Variants in SFTPD observed in about 807,000 individuals in gnomAD.
The protein encoded by SFTPD is surfactant protein D.
Under a neutral mutation model 34.6 loss-of-function variants are expected in SFTPD, and 18 were observed. The observed-to-expected ratio is 0.52, with a 90% CI of 0.36 to 0.77. SFTPD has a LOEUF of 0.77. Among genes scored for constraint, SFTPD ranks in the 30% least tolerant of loss-of-function variants. SFTPD has a pLI of 0.00. For synonymous variants in SFTPD, 155 were observed against 180.9 expected, an observed-to-expected ratio of 0.86 and a Z score of 1.15; for missense variants, 433 against 468.9, an observed-to-expected ratio of 0.92 and a Z score of 0.71.
intron 1 of SFTPD, among the ~76,000 whole-genome samples, chr10:79,980,214 G>A (rs1442264577): frequency 6.6e-6 from 1 of 152,110 alleles, no homozygotes; most frequent in African/African-American, 2.4e-5. Flanking sequence ...GGTGGCCACA[G>A]GGAGGGACTC....
At chr10:79,946,055 C>T (rs1842661651) in intron 2 of SFTPD, among the ~76,000 whole-genome samples, 1 of 148,490 alleles carries the variant, frequency 6.7e-6, no homozygotes, top group South Asian at 2.1e-4. Context: ...AGCCATGGAG[C>T]CCCATTTTTT....
intron 7 of SFTPD, 37 bp from the exon 8 acceptor site, chr10:79,938,265 T>C (rs1842577931): frequency 6.4e-7 from 1 of 1,552,062 alleles, no homozygotes; most frequent in Admixed American, 1.7e-5. Context: ...GGTTGTGGCA[T>C]CACCTGGCCA....
chr10:79,979,019 A>G (rs896074578), intron 1 of SFTPD, among the ~76,000 whole-genome samples: 1 of 152,192 alleles, frequency 6.6e-6, no homozygotes, highest in African/African-American at 2.4e-5. Flanking sequence ...TACAAAACCA[A>G]AGTGCAAAAA....
chr10:79,974,592 A>G (rs975977179), intron 1 of SFTPD, among the ~76,000 whole-genome samples: 1 of 152,222 alleles, frequency 6.6e-6, no homozygotes, highest in Non-Finnish European at 1.5e-5. Flanking sequence ...TACATACAAA[A>G]TATATCTCTA....
At chr10:79,956,014 C>T (rs559565688) in intron 1 of SFTPD, among the ~76,000 whole-genome samples, 2 of 152,264 alleles carry the variant, frequency 1.3e-5, no homozygotes, top group East Asian at 3.9e-4. Flanking sequence ...TAAAGAGATA[C>T]AACCATACTA....
intron 4 of SFTPD, 54 bp from the exon 5 acceptor site, chr10:79,942,124 T>A (rs1299675961): frequency 4.5e-6 from 6 of 1,345,992 alleles, no homozygotes; most frequent in Non-Finnish European, 6.3e-6. Flanking sequence ...TCAGCAGGTG[T>A]GGTTTTGTTA....
intron 2 of SFTPD, among the ~76,000 whole-genome samples, chr10:79,945,015 G>A (rs1842651483): frequency 6.6e-6 from 1 of 152,024 alleles, no homozygotes; most frequent in Non-Finnish European, 1.5e-5. Context: ...CCTCAGACCT[G>A]TAACAGTGGA....
At position 79,942,837 on chromosome 10, in the gene SFTPD, G is replaced by T; in HGVS notation, c.242C>A (p.Ala81Asp). 1 of 1,614,034 alleles carries T rather than the reference G, an allele frequency of 6.2e-7. No individual in the cohort carries two copies. The highest frequency in any genetic ancestry group is 1.1e-5 in the South Asian group (1 of 91,078). Residue 81 changes from alanine to aspartate, a missense_variant, in exon 3 of 8, where the codon GCT (alanine) becomes GAT (aspartate). Ala to Asp is a moderately radical substitution (Grantham distance 126). Coordinates refer to ENST00000372292, the MANE Select transcript of SFTPD (RefSeq NM_003019.5). ...GTCCCCTTTGGGCCCAACTGGGCCA[G>T]CTTGTCCAGGCATCCCTGCTTGCCC... is the stretch of plus-strand genomic sequence containing the variant. ...AAGQAGMPGQ[A>D]GPVGPKGDNG... is the part of the protein sequence containing the mutation.
intron 1 of SFTPD, among the ~76,000 whole-genome samples, chr10:79,974,380 A>T (rs1589344161): frequency 6.6e-6 from 1 of 151,424 alleles, no homozygotes; most frequent in Admixed American, 6.6e-5. Context: ...CGATCTCCTG[A>T]CCTCATGATC....
At position 79,942,041 on chromosome 10, in the gene SFTPD, A is replaced by G; in HGVS notation, c.463T>C (p.Ser155Pro). 6.2e-7 allele frequency: 1 copy of G among 1,613,654 alleles called. No homozygotes were observed. The change falls in exon 5 of 8, where the codon TCG becomes CCG. Residue 155 changes from serine (S) to proline (P), a missense_variant. Transcript: ENST00000372292. ...GEVGAPGMQG[S>P]AGARGLAGPK... ...CCTGCGAGGCCTCTTGCCCCTGCCG[A>G]GCCCTGCATGCCTGGGGCACCTACT...
intron 7 of SFTPD, among the ~76,000 whole-genome samples, chr10:79,940,177 G>A (rs544589405): frequency 3.3e-5 from 5 of 152,296 alleles, no homozygotes; most frequent in Admixed American, 1.3e-4. Flanking sequence ...GGCTGCCTTG[G>A]GATGTGCAGC....
intron 1 of SFTPD, among the ~76,000 whole-genome samples, chr10:79,965,548 T>TC (rs1564534485): frequency 2.5e-5 from 3 of 121,742 alleles, no homozygotes; most frequent in African/African-American, 1.0e-4. Flanking sequence ...TCTTTTTTTT[T>TC]TTTTAATTTT....
chr10:79,954,663 A>T (rs962528927), intron 1 of SFTPD, among the ~76,000 whole-genome samples: 1 of 152,022 alleles, frequency 6.6e-6, no homozygotes, highest in Non-Finnish European at 1.5e-5. Flanking sequence ...CAGGAGGTGG[A>T]GCTGTTTGAG....
intron 1 of SFTPD, among the ~76,000 whole-genome samples, chr10:79,963,878 A>G (rs1031654523): frequency 6.6e-6 from 1 of 152,114 alleles, no homozygotes; most frequent in East Asian, 1.9e-4. Context: ...AGTATTCCAT[A>G]GTGCATATGT....
At chr10:79,955,719 A>C (rs1842734845) in intron 1 of SFTPD, among the ~76,000 whole-genome samples, 1 of 152,234 alleles carries the variant, frequency 6.6e-6, no homozygotes, top group South Asian at 2.1e-4. Context: ...ACAAAGTGAG[A>C]GTGCTTGAAA....
At chr10:79,946,847 G>A (rs998766506) in intron 1 of SFTPD, among the ~76,000 whole-genome samples, 185 bp from the exon 2 acceptor site, 2 of 152,202 alleles carry the variant, frequency 1.3e-5, no homozygotes, top group Non-Finnish European at 1.5e-5. Flanking sequence ...TCTGGATGGA[G>A]AGCATGAGTT....
At chr10:79,952,917 C>A (rs1204181683), upstream of SFTPD, among the ~76,000 whole-genome samples, 5 of 152,208 alleles carry the variant, frequency 3.3e-5, no homozygotes, top group Admixed American at 3.3e-4. Flanking sequence ...ACAAGTTCAG[C>A]AGTCCATAGT....
intron 1 of SFTPD, among the ~76,000 whole-genome samples, chr10:79,974,788 C>A (rs976184979): frequency 6.6e-6 from 1 of 152,000 alleles, no homozygotes; most frequent in African/African-American, 2.4e-5. Flanking sequence ...AATGCCGAGA[C>A]CAGCTCGGTC....
Position 79,942,830 on chromosome 10 carries a change from T to A in SFTPD, c.249A>T (p.Pro83=). Residue 83 remains proline, a synonymous_variant, in exon 3 of 8, where the codon CCA becomes CCT. Transcript: ENST00000372292. ...AGCCATTGTCCCCTTTGGGCCCAAC[T>A]GGGCCAGCTTGTCCAGGCATCCCTG... ...GQAGMPGQAG[P]VGPKGDNGSV... The A allele has an allele frequency of 6.2e-7, 1 of 1,614,150 alleles. No homozygotes were observed.
Sources: gnomAD v4.1 joint callset for allele counts (sites outside exome capture counted in the v4.1 genomes callset) on GRCh38, gnomAD v4.1.1 for gene constraint, MANE v1.5 for transcripts, NCBI Gene and HGNC (gene_info 2026-07-23, HGNC 2026-07-21) for gene names.